Variants in SLC6A3 observed in about 807,000 individuals in gnomAD.
The protein encoded by SLC6A3 is sodium-dependent dopamine transporter.
SLC6A3 carries 19 observed loss-of-function variants against 70.4 expected under a neutral mutation model. That is an observed-to-expected ratio of 0.27 (90% confidence interval 0.19 to 0.40). SLC6A3 has a LOEUF of 0.40. SLC6A3 is among the 10% of genes least tolerant of loss of function. SLC6A3 has a pLI of 1.00. For synonymous variants in SLC6A3, 368 were observed against 356.6 expected, an observed-to-expected ratio of 1.03 and a Z score of -0.36; for missense variants, 613 against 838.5, an observed-to-expected ratio of 0.73 and a Z score of 3.32.
chr5:1,409,831 C>T lies in SLC6A3; in HGVS notation c.1288G>A (p.Val430Met). 1 of 1,613,358 alleles carries T rather than the reference C, an allele frequency of 6.2e-7. No homozygotes were observed. The highest frequency in any genetic ancestry group is 8.5e-7 in the Non-Finnish European group (1 of 1,180,028). ...IDSAMGGMES[V>M]ITGLIDEFQL... ...AACTCATCGATGAGCCCGGTGATCA[C>T]TGACTCCATACCACCCATCTGCACA... is the stretch of plus-strand genomic sequence containing the variant. Residue 430 changes from valine (V) to methionine (M), a missense_variant, in exon 10 of 15, where the codon GTG (valine) becomes ATG (methionine). Transcript: ENST00000270349.
chr5:1,418,760 A>C (rs1756366133), intron 6 of SLC6A3, among the ~76,000 whole-genome samples: 1 of 150,212 alleles, frequency 6.7e-6, no homozygotes. Flanking sequence ...CCATCCATCC[A>C]TGCTGTCCAG....
chr5:1,431,213 GA>G (rs1379088273), intron 4 of SLC6A3, among the ~76,000 whole-genome samples: 1 of 152,258 alleles, frequency 6.6e-6, no homozygotes, highest in African/African-American at 2.4e-5. Flanking sequence ...GGGTCCAGGG[GA>G]AACAGGGAAC....
chr5:1,415,589 C>T (rs1194711262), intron 7 of SLC6A3, among the ~76,000 whole-genome samples: 1 of 152,184 alleles, frequency 6.6e-6, no homozygotes, highest in Non-Finnish European at 1.5e-5. Flanking sequence ...CCATAAAGGT[C>T]AAAGCAAGCA....
At position 1,401,016 on chromosome 5, in the gene SLC6A3, T is replaced by C. The variant is rs1026700299; in HGVS notation, c.1768-30A>G. The stretch of plus-strand genomic sequence containing the variant: ...AAGAGAAAGAGAGTGCAGGGGTCAG[T>C]GCAGACCAGTACCCACTGCCAGCAC... On this transcript the variant is annotated intron_variant, in intron 13 of 14. Transcript: ENST00000270349. The surrounding 1 kb of genome is among the most constrained non-coding windows in gnomAD (Gnocchi z 6.1). The C allele has an allele frequency of 1.3e-6, 2 of 1,539,538 alleles. No individual in the cohort carries two copies. The highest frequency in any genetic ancestry group is 1.8e-6 in the Non-Finnish European group (2 of 1,126,036).
Position 1,408,927 on chromosome 5 carries a change from C to T in SLC6A3, c.1498+99G>A. The stretch of plus-strand genomic sequence containing the variant: ...TGATGACCACAACCCAGGCTTCCTG[C>T]AGCTGAAAGGTGTTTCCTCACGGAG... On this transcript the variant is annotated intron_variant, in intron 11 of 14. Coordinates refer to ENST00000270349, the MANE Select transcript of SLC6A3 (RefSeq NM_001044.5). The surrounding 1 kb of genome is among the most constrained non-coding windows in gnomAD (Gnocchi z 6.4). 1 of 818,260 alleles carries T rather than the reference C, an allele frequency of 1.2e-6. No individual in the cohort carries two copies. The allele number at this position is 818,260 out of a possible 1,614,324, so 50.7% of individuals were successfully genotyped here.
chr5:1,427,410 T>C (rs906004714), intron 4 of SLC6A3, among the ~76,000 whole-genome samples: 1 of 152,084 alleles, frequency 6.6e-6, no homozygotes, highest in African/African-American at 2.4e-5. Context: ...ATAGTGTTGA[T>C]AAAATGAAAG....
intron 4 of SLC6A3, among the ~76,000 whole-genome samples, chr5:1,429,978 A>C (rs458334): frequency 6.6e-6 from 1 of 151,938 alleles, no homozygotes; most frequent in Non-Finnish European, 1.5e-5. Flanking sequence ...TTATTTGGAC[A>C]ATTTTATCAT....
rs1756837954 is a variant in SLC6A3 at position 1,436,425 on chromosome 5, G to A, written c.419-3727C>T. The stretch of plus-strand genomic sequence containing the variant: ...TCTCCCCAAGGAGGTGGCAGGCAAA[G>A]TCCCTGCTCGCGTTTCCAGGGAAAA... On this transcript the variant is annotated intron_variant, in intron 3 of 14. Transcript: ENST00000270349. The surrounding 1 kb of genome is among the most constrained non-coding windows in gnomAD (Gnocchi z 5.2). Among the ~76,000 whole-genome samples, 1 of 152,188 alleles carries A rather than the reference G, an allele frequency of 6.6e-6. No homozygotes were observed. The highest frequency in any genetic ancestry group is 1.5e-5 in the Non-Finnish European group (1 of 68,034).
At chr5:1,425,820 AAAAACTGACAGCCCAATTC>A (rs1412177071) in intron 4 of SLC6A3, among the ~76,000 whole-genome samples, 3 of 152,230 alleles carry the variant, frequency 2.0e-5, no homozygotes, top group Non-Finnish European at 2.9e-5. Context: ...TCAACAACAA[AAAAACTGACAGCCCAATTC>A]AAAAATGGGC....
intron 4 of SLC6A3, among the ~76,000 whole-genome samples, chr5:1,431,537 A>G (rs777317596): frequency 3.5e-4 from 29 of 82,268 alleles, no homozygotes; most frequent in Non-Finnish European, 4.8e-4. Context: ...CAGGGTAGAC[A>G]GTGTGGGTTG....
chr5:1,412,251 T>C (rs1756147507), intron 8 of SLC6A3, among the ~76,000 whole-genome samples: 1 of 152,146 alleles, frequency 6.6e-6, no homozygotes, highest in Admixed American at 6.5e-5. Context: ...TAGAGGAGTG[T>C]GTGGCTCCTT....
intron 4 of SLC6A3, among the ~76,000 whole-genome samples, chr5:1,423,061 G>A (rs1330490041): frequency 1.2e-5 from 1 of 81,824 alleles, no homozygotes; most frequent in South Asian, 6.3e-4. Flanking sequence ...TGCCCAAGGT[G>A]CTGGGTACCC....
Position 1,421,965 on chromosome 5 carries a change from G to A in SLC6A3, c.703C>T (p.Pro235Ser). The change falls in exon 5 of 15, where the codon CCT (proline) becomes TCT (serine). Residue 235 changes from proline (P) to serine (S), a missense_variant. By Grantham distance (74) the Pro-to-Ser change is moderately conservative. Coordinates refer to ENST00000270349, the MANE Select transcript of SLC6A3 (RefSeq NM_001044.5). This position sits in a 1 kb window ranked among gnomAD's most constrained non-coding sequence, Gnocchi z 7.2. ...CAGGCTGTGAGCTGCCACCGCGGAG[G>A]CCCCAGGTCGTCGATGCCATGGCTC... ...HQSHGIDDLG[P>S]PRWQLTACLV... is the part of the protein sequence containing the mutation. 2 of 1,613,070 alleles carry A rather than the reference G, an allele frequency of 1.2e-6. No individual in the cohort carries two copies. Among genetic ancestry groups the A allele is most frequent in the Non-Finnish European group, 1.7e-6 (2 of 1,180,004 alleles).
chr5:1,400,201 G>A (rs1005869425), intron 14 of SLC6A3, among the ~76,000 whole-genome samples: 7 of 152,216 alleles, frequency 4.6e-5, no homozygotes, highest in Non-Finnish European at 1.0e-4. Flanking sequence ...ACAGGCCCAG[G>A]GCACAGCCCA....
intron 4 of SLC6A3, among the ~76,000 whole-genome samples, chr5:1,425,060 A>G (rs1756548064): frequency 6.6e-6 from 1 of 152,232 alleles, no homozygotes; most frequent in South Asian, 2.1e-4. Context: ...ATAAGCCATA[A>G]TAGTTGGGAG....
rs1038014956 is a variant in SLC6A3, at chr5:1,394,515, C to T, written c.*220G>A. Reference sequence around the variant, plus strand: ...GGGTGGACCTCGCTGCACAGATCTACGTCGTTATTACAGCAACACAAGACA... The same window carrying T: ...GGGTGGACCTCGCTGCACAGATCTATGTCGTTATTACAGCAACACAAGACA... On this transcript the variant is annotated 3_prime_UTR_variant, in exon 15 of 15. Transcript: ENST00000270349. This position sits in a 1 kb window ranked among gnomAD's most constrained non-coding sequence, Gnocchi z 4.7. 18 of 656,802 alleles carry T rather than the reference C, an allele frequency of 2.7e-5. No homozygotes were observed. Among genetic ancestry groups the T allele is most frequent in the South Asian group, 8.6e-5 (5 of 58,076 alleles). 40.7% of individuals were successfully genotyped at this position (656,802 alleles called of 1,614,324 possible).
intron 11 of SLC6A3, among the ~76,000 whole-genome samples, chr5:1,407,001 G>A (rs3776512): frequency 0.15 from 22,461 of 152,198 alleles, 1,914 homozygotes; most frequent in Non-Finnish European, 0.2. Flanking sequence ...ATCATATTCC[G>A]TCATGAGTAT....
At chr5:1,432,779 C>G in intron 3 of SLC6A3, 81 bp from the exon 4 acceptor site, 3 of 938,082 alleles carry the variant, frequency 3.2e-6, no homozygotes, top group Non-Finnish European at 3.4e-6. Flanking sequence ...TCCACCTCCC[C>G]TCACGGGAGA....
rs767862389 is a variant in SLC6A3, at chr5:1,405,350, C to T, written c.1599+838G>A. ...GCTGTGTGCAGGTGACGAGGGGTCTCCACGCACGCGGGCCCTGCTGACTCC... is the reference window on the plus strand; with the variant it reads ...GCTGTGTGCAGGTGACGAGGGGTCTTCACGCACGCGGGCCCTGCTGACTCC... On this transcript the variant is annotated intron_variant, in intron 12 of 14. Transcript: ENST00000270349. The surrounding 1 kb of genome is among the most constrained non-coding windows in gnomAD (Gnocchi z 5.3). 5.9e-5 allele frequency among the ~76,000 whole-genome samples: 9 copies of T among 152,246 alleles called. No individual in the cohort carries two copies. Among genetic ancestry groups the T allele is most frequent in the Non-Finnish European group, 1.2e-4 (8 of 68,046 alleles).
Sources: allele counts gnomAD v4.1 joint callset (sites outside exome capture counted in the v4.1 genomes callset), GRCh38; gene constraint gnomAD v4.1.1; non-coding constraint Gnocchi (gnomAD v3.1); transcripts MANE v1.5; gene names NCBI Gene and HGNC (gene_info 2026-07-23, HGNC 2026-07-21).